MINDY4: variants seen among roughly 807,000 people sequenced by gnomAD.
The protein encoded by MINDY4 is MINDY lysine 48 deubiquitinase 4, also known as probable ubiquitin carboxyl-terminal hydrolase MINDY-4.
Under a neutral mutation model 87.0 loss-of-function variants are expected in MINDY4, and 68 were observed. The ratio of observed to expected loss-of-function variants is 0.78; its 90% CI spans 0.64 to 0.96. The LOEUF (loss-of-function observed/expected upper bound fraction) is 0.96. MINDY4 is among the 40% of genes least tolerant of loss of function. MINDY4 has a pLI of 0.00. For synonymous variants in MINDY4, 379 were observed against 363.2 expected (o/e 1.04, Z -0.50); for missense variants, 919 against 928.2 (o/e 0.99, Z 0.13).
chr7:30,877,312 A>T (rs987068719), intron 15 of MINDY4, among the ~76,000 whole-genome samples: 1 of 152,188 alleles, frequency 6.6e-6, no homozygotes, highest in African/African-American at 2.4e-5. Flanking sequence ...TTGGTCAGAG[A>T]GTAAACTATT....
chr7:30,833,788 A>G (rs1788777644), intron 6 of MINDY4, among the ~76,000 whole-genome samples: 1 of 152,250 alleles, frequency 6.6e-6, no homozygotes. Context: ...GCTGTTCCAA[A>G]TGGGAGAAAT....
chr7:30,863,095 A>G (rs932576443), intron 13 of MINDY4, among the ~76,000 whole-genome samples: 2 of 152,152 alleles, frequency 1.3e-5, no homozygotes, highest in Non-Finnish European at 2.9e-5. Context: ...ACACAGCTTA[A>G]AAACCTCGGG....
chr7:30,831,540 A>G (rs912034867), intron 6 of MINDY4, among the ~76,000 whole-genome samples: 1 of 152,202 alleles, frequency 6.6e-6, no homozygotes, highest in Non-Finnish European at 1.5e-5. Context: ...AGAGTGATCC[A>G]GAGGCTGGAC....
chr7:30,822,741 C>A (rs1030352435), intron 5 of MINDY4, among the ~76,000 whole-genome samples: 1 of 151,912 alleles, frequency 6.6e-6, no homozygotes, highest in Non-Finnish European at 1.5e-5. Flanking sequence ...CTCCAGTGAT[C>A]CTCCCACCTG....
Position 30,892,086 on chromosome 7 carries a change from G to C in MINDY4, c.*81G>C. The C allele has an allele frequency of 6.6e-7, 1 of 1,524,422 alleles. No homozygotes were observed. The highest frequency in any genetic ancestry group is 9.1e-7 in the Non-Finnish European group (1 of 1,099,420). 94.4% of individuals were successfully genotyped at this position (1,524,422 alleles called of 1,614,324 possible). A position where few individuals can be genotyped will look rare whatever the true frequency, so the allele number is the denominator to read the frequency against. ...TGACAGCTGAACCCCAAGCCTCTGG[G>C]GCAGGTCTCATGTACCCCAACCTGG... On this transcript the variant is annotated 3_prime_UTR_variant, in exon 18 of 18. Coordinates refer to ENST00000265299, the MANE Select transcript of MINDY4 (RefSeq NM_032222.3).
intron 13 of MINDY4, among the ~76,000 whole-genome samples, chr7:30,862,432 C>G (rs1166167103): frequency 6.6e-6 from 1 of 152,278 alleles, no homozygotes. Context: ...GCCTGCTCCT[C>G]TCACGTGCCA....
intron 5 of MINDY4, among the ~76,000 whole-genome samples, chr7:30,809,973 C>T (rs111326588): frequency 5.3e-5 from 8 of 151,758 alleles, no homozygotes; most frequent in East Asian, 1.9e-4. Flanking sequence ...GTCAGAAGTT[C>T]GAGACCAGCC....
At chr7:30,800,018 C>T (rs138933963) in intron 5 of MINDY4, among the ~76,000 whole-genome samples, 129 of 152,174 alleles carry the variant, frequency 8.5e-4, no homozygotes, top group Non-Finnish European at 1.4e-3. Flanking sequence ...TGGAGTGGGG[C>T]GGGCAGTGTG....
intron 5 of MINDY4, among the ~76,000 whole-genome samples, chr7:30,818,740 TTTAAA>T (rs1177803704): frequency 4.6e-5 from 7 of 152,348 alleles, no homozygotes; most frequent in African/African-American, 1.7e-4. Flanking sequence ...GGGGGTGAAT[TTTAAA>T]TTAATGATTT....
At chr7:30,814,919 C>T (rs1252355617) in intron 5 of MINDY4, among the ~76,000 whole-genome samples, 2 of 152,156 alleles carry the variant, frequency 1.3e-5, no homozygotes, top group Non-Finnish European at 2.9e-5. Context: ...CAGGGGAATG[C>T]CTTATAAGTT....
At chr7:30,781,749 G>A in intron 2 of MINDY4, 1 of 512,624 alleles carries the variant, frequency 2.0e-6, no homozygotes, top group Non-Finnish European at 3.4e-6. Flanking sequence ...CCTGCCTCAT[G>A]CGTTGGATGC....
intron 5 of MINDY4, among the ~76,000 whole-genome samples, chr7:30,819,989 C>T (rs868189342): frequency 6.6e-4 from 97 of 147,566 alleles, no homozygotes; most frequent in African/African-American, 2.0e-3. Flanking sequence ...GCAAGCTCCG[C>T]CTCCTGGGTT....
Position 30,858,761 on chromosome 7 carries a change from G to A in MINDY4, c.1678-496G>A, listed in dbSNP as rs569390881. The A allele has an allele frequency of 6.6e-4, 232 of 350,106 alleles. 1 individual carries two copies. Among genetic ancestry groups the A allele is most frequent in the African/African-American group, 4.4e-3 (207 of 46,716 alleles). The allele number at this position is 350,106 out of a possible 1,614,324, so 21.7% of individuals were successfully genotyped here. A position where few individuals can be genotyped will look rare whatever the true frequency, so the allele number is the denominator to read the frequency against. On this transcript the variant is annotated intron_variant, in intron 12 of 17. Transcript: ENST00000265299. The stretch of plus-strand genomic sequence containing the variant: ...CCTGCTCTCTGCTGCTCTTAGCACA[G>A]CACAGTTCTTCTGAGTAAGGGATCT...
chr7:30,839,007 C>T (rs531362027), intron 7 of MINDY4, among the ~76,000 whole-genome samples, 193 bp from the exon 8 acceptor site: 1 of 152,294 alleles, frequency 6.6e-6, no homozygotes, highest in African/African-American at 2.4e-5. Flanking sequence ...GTAAGACCCT[C>T]ATTATTGAGT....
At chr7:30,861,762 T>G (rs1487839811) in intron 13 of MINDY4, among the ~76,000 whole-genome samples, 1 of 152,232 alleles carries the variant, frequency 6.6e-6, no homozygotes, top group Non-Finnish European at 1.5e-5. Context: ...GTGTGTCTTC[T>G]TGTGTTTCCT....
chr7:30,774,675 C>T (rs1786754535), intron 1 of MINDY4, among the ~76,000 whole-genome samples: 1 of 151,954 alleles, frequency 6.6e-6, no homozygotes, highest in African/African-American at 2.4e-5. Context: ...CCTCGCCCTT[C>T]TTGATCTAAT....
chr7:30,808,355 G>T (rs1418268864), intron 5 of MINDY4, among the ~76,000 whole-genome samples: 1 of 152,100 alleles, frequency 6.6e-6, no homozygotes, highest in Non-Finnish European at 1.5e-5. Flanking sequence ...GACTTGACTT[G>T]GATTGCTTGA....
chr7:30,822,887 G>A (rs2128561209), intron 5 of MINDY4, among the ~76,000 whole-genome samples: 1 of 152,002 alleles, frequency 6.6e-6, no homozygotes, highest in South Asian at 2.1e-4. Flanking sequence ...CAAGCAGTCG[G>A]CCCACCTTGG....
At chr7:30,886,085 G>A (rs573741458) in intron 17 of MINDY4, among the ~76,000 whole-genome samples, 4 of 152,306 alleles carry the variant, frequency 2.6e-5, no homozygotes, top group East Asian at 3.9e-4. Context: ...GGGGATACAC[G>A]TGACATCGTG....
Sources: allele counts gnomAD v4.1 joint callset (sites outside exome capture counted in the v4.1 genomes callset), GRCh38; gene constraint gnomAD v4.1.1; transcripts MANE v1.5; gene names NCBI Gene and HGNC (gene_info 2026-07-23, HGNC 2026-07-21).